Variants in LPGAT1 observed in about 807,000 individuals in gnomAD.
The protein encoded by LPGAT1 is acyl-CoA:lysophosphatidylglycerol acyltransferase 1.
Under a neutral mutation model 47.5 loss-of-function variants are expected in LPGAT1, and 11 were observed. That is an observed-to-expected ratio of 0.23 (90% CI 0.15 to 0.38). The LOEUF (loss-of-function observed/expected upper bound fraction) is 0.38, where lower values mean the gene tolerates loss of function less well. Ranked by LOEUF, LPGAT1 falls within the 10% of genes least tolerant of loss-of-function variation. The pLI is 1.00. For missense variants in LPGAT1, 293 were observed against 439.0 expected (o/e 0.67, Z 2.97); for synonymous variants, 138 against 144.2 (o/e 0.96, Z 0.31).
At chr1:211,775,983 G>T (rs1208752218) in intron 6 of LPGAT1, among the ~76,000 whole-genome samples, 2 of 147,310 alleles carry the variant, frequency 1.4e-5, no homozygotes, top group African/African-American at 4.9e-5. Context: ...CTATGAATTT[G>T]TTTTGATTTG....
In LPGAT1 at chr1:211,783,229, C is replaced by T; in HGVS notation, c.727G>A (p.Asp243Asn). Residue 243 changes from aspartate to asparagine, a missense_variant and splice_region_variant, in exon 5 of 8, where the codon GAC becomes AAC. Transcript: ENST00000366997. The part of the protein sequence containing the change: ...SPAGGDAKEL[D>N]SKSKGLQWII... ...TAAAAAATGCTAAAAACCATCATAC[C>T]TAATTCTTTAGCATCTCCTCCTGCT... 6.2e-7 allele frequency: 1 copy of T among 1,608,138 alleles called. No individual in the cohort carries two copies. The highest frequency in any genetic ancestry group is 8.5e-7 in the Non-Finnish European group (1 of 1,175,534).
intron 2 of LPGAT1, among the ~76,000 whole-genome samples, chr1:211,793,776 T>G (rs1322262546): frequency 1.3e-5 from 2 of 152,202 alleles, no homozygotes; most frequent in Non-Finnish European, 2.9e-5. Flanking sequence ...CTAGAATTTA[T>G]CCTACAGAAA....
intron 2 of LPGAT1, among the ~76,000 whole-genome samples, chr1:211,808,307 G>A (rs1441002395): frequency 4.1e-5 from 6 of 146,108 alleles, no homozygotes; most frequent in East Asian, 2.0e-4. Flanking sequence ...CTGAGATCAC[G>A]CCATTGCACT....
In LPGAT1 at chr1:211,830,375, C is replaced by A. The variant is rs1660693451; in HGVS notation, c.-28+198G>T. ...GGGGACTCAGAGGCCGGACCTGTCACCCGGGCGGGTCCCGGGGAGGCGGGC... is the reference window on the plus strand; with the variant it reads ...GGGGACTCAGAGGCCGGACCTGTCAACCGGGCGGGTCCCGGGGAGGCGGGC... On this transcript the variant is annotated intron_variant, in intron 1 of 7. Coordinates refer to ENST00000366997, the MANE Select transcript of LPGAT1 (RefSeq NM_014873.3). This position sits in a 1 kb window ranked among gnomAD's most constrained non-coding sequence, Gnocchi z 5.9. 1 of 1,166,012 alleles carries A rather than the reference C, an allele frequency of 8.6e-7. No homozygotes were observed. Among genetic ancestry groups the A allele is most frequent in the Non-Finnish European group, 1.1e-6 (1 of 945,946 alleles). 72.2% of individuals were successfully genotyped at this position (1,166,012 alleles called of 1,614,324 possible).
At chr1:211,775,016 G>T (rs1658339873) in intron 6 of LPGAT1, among the ~76,000 whole-genome samples, 1 of 151,962 alleles carries the variant, frequency 6.6e-6, no homozygotes, top group Admixed American at 6.6e-5. Flanking sequence ...GTTTTACTCT[G>T]TGGGAAAACG....
intron 6 of LPGAT1, among the ~76,000 whole-genome samples, chr1:211,756,775 C>T (rs1409276665): frequency 1.3e-5 from 2 of 152,052 alleles, no homozygotes; most frequent in African/African-American, 4.8e-5. Flanking sequence ...CTGCATTCTC[C>T]AGCTCAGGTT....
chr1:211,789,514 T>G (rs1330033001), intron 3 of LPGAT1, among the ~76,000 whole-genome samples: 1 of 152,152 alleles, frequency 6.6e-6, no homozygotes, highest in Non-Finnish European at 1.5e-5. Flanking sequence ...ATAAAGTTCT[T>G]TTGACAGAAA....
chr1:211,756,869 T>TC (rs1306743626), intron 6 of LPGAT1, among the ~76,000 whole-genome samples: 3 of 150,008 alleles, frequency 2.0e-5, no homozygotes, highest in Non-Finnish European at 4.4e-5. Context: ...TTTTTTTTTT[T>TC]TCTCTCTTTT....
chr1:211,757,170 C>G (rs974100254), intron 6 of LPGAT1, among the ~76,000 whole-genome samples: 1 of 151,672 alleles, frequency 6.6e-6, no homozygotes, highest in Non-Finnish European at 1.5e-5. Flanking sequence ...GGCAGAATAG[C>G]TTGAAACTGG....
chr1:211,823,068 A>G (rs768514379), intron 2 of LPGAT1, among the ~76,000 whole-genome samples: 1 of 152,240 alleles, frequency 6.6e-6, no homozygotes, highest in Admixed American at 6.5e-5. Flanking sequence ...GCAAAAGGGC[A>G]TATGGGTAGT....
At chr1:211,820,007 G>A (rs538824392) in intron 2 of LPGAT1, among the ~76,000 whole-genome samples, 58 of 152,118 alleles carry the variant, frequency 3.8e-4, no homozygotes, top group African/African-American at 1.4e-3. Context: ...GCAGGCAGGG[G>A]GGTGGTTTAC....
In LPGAT1 at chr1:211,829,069, A is replaced by G. The variant is rs775550099; in HGVS notation, c.228T>C (p.Ala76=). 17 of 1,614,022 alleles carry G rather than the reference A, an allele frequency of 1.1e-5. No individual in the cohort carries two copies. In the South Asian group the frequency reaches 1.5e-4, roughly 15 times the overall value. Residue 76 remains alanine, a synonymous_variant, in exon 2 of 8, where the codon GCT becomes GCC. Coordinates refer to ENST00000366997, the MANE Select transcript of LPGAT1 (RefSeq NM_014873.3). ...LGMVASWGWY[A]GYTVMEWGED... ...TGTTCTCACTCTTACCTGTATATCCAGCATACCATCCCCAGGAAGCTACCA... is the reference window on the plus strand; with the variant it reads ...TGTTCTCACTCTTACCTGTATATCCGGCATACCATCCCCAGGAAGCTACCA...
intron 2 of LPGAT1, among the ~76,000 whole-genome samples, chr1:211,818,353 G>C (rs1222756397): frequency 2.0e-5 from 3 of 152,146 alleles, no homozygotes; most frequent in Admixed American, 6.5e-5. Flanking sequence ...GACAGTAAAG[G>C]GGGTGGTCAT....
intron 2 of LPGAT1, among the ~76,000 whole-genome samples, chr1:211,796,246 T>C (rs1384089663): frequency 2.0e-5 from 3 of 152,190 alleles, no homozygotes; most frequent in African/African-American, 7.2e-5. Context: ...TTGAACAGTA[T>C]ACTCCAAAAA....
intron 2 of LPGAT1, among the ~76,000 whole-genome samples, chr1:211,797,524 A>G (rs988919238): frequency 6.6e-6 from 1 of 152,034 alleles, no homozygotes; most frequent in African/African-American, 2.4e-5. Context: ...TCCAATATAT[A>G]TGGTATTCTT....
chr1:211,792,168 G>A (rs1463246938), intron 3 of LPGAT1: 2 of 151,468 alleles, frequency 1.3e-5, no homozygotes, highest in Non-Finnish European at 3.0e-5. Flanking sequence ...TCACAGGCAT[G>A]ATCCCACTAC....
At chr1:211,802,946 T>C (rs191276514) in intron 2 of LPGAT1, 7 of 152,268 alleles carry the variant, frequency 4.6e-5, no homozygotes, top group Admixed American at 3.9e-4. Flanking sequence ...AATTTCTCAA[T>C]AGCTTCTGAA....
intron 3 of LPGAT1, among the ~76,000 whole-genome samples, chr1:211,792,806 G>A (rs1659184148): frequency 6.9e-6 from 1 of 144,452 alleles, no homozygotes; most frequent in Admixed American, 7.3e-5. Context: ...CTGCCTCCCG[G>A]GTTCAAGCAA....
At chr1:211,765,319 T>C (rs1657862714) in intron 6 of LPGAT1, among the ~76,000 whole-genome samples, 1 of 152,260 alleles carries the variant, frequency 6.6e-6, no homozygotes, top group Non-Finnish European at 1.5e-5. Flanking sequence ...ATCTATTTTT[T>C]CTGTCATTTT....
Sources: gnomAD v4.1 joint callset for allele counts (sites outside exome capture counted in the v4.1 genomes callset) on GRCh38, gnomAD v4.1.1 for gene constraint, Gnocchi (gnomAD v3.1) non-coding constraint, MANE v1.5 for transcripts, NCBI Gene and HGNC (gene_info 2026-07-23, HGNC 2026-07-21) for gene names.